ZMYM2: variants seen among roughly 807,000 people sequenced by gnomAD.
ZMYM2 encodes the protein zinc finger MYM-type protein 2.
In ZMYM2, 56 loss-of-function variants were observed where a neutral mutation model predicts 162.8. That is an observed-to-expected ratio of 0.34 (90% CI 0.28 to 0.43). ZMYM2 has a LOEUF of 0.43. ZMYM2 is among the 20% of genes least tolerant of loss of function. The pLI is 1.00. For missense variants in ZMYM2, 1,275 were observed against 1,621.8 expected, an observed-to-expected ratio of 0.79 and a Z score of 3.67; for synonymous variants, 510 against 541.6, an observed-to-expected ratio of 0.94 and a Z score of 0.81.
At chr13:20,012,083 A>C (rs897890207) in intron 6 of ZMYM2, among the ~76,000 whole-genome samples, 3 of 151,844 alleles carry the variant, frequency 2.0e-5, no homozygotes, top group Non-Finnish European at 4.4e-5. Context: ...ATGGGGTTCC[A>C]CCATGTTGGC....
chr13:19,966,326 G>T (rs936930765), intron 2 of ZMYM2, among the ~76,000 whole-genome samples: 4 of 150,792 alleles, frequency 2.7e-5, no homozygotes, highest in Admixed American at 6.6e-5. Flanking sequence ...TAGAGATGGG[G>T]TTTCTACATG....
At chr13:19,881,848 G>C in the ZMYM2 span, among the ~76,000 whole-genome samples, 1 of 151,852 alleles carries the variant, frequency 6.6e-6, no homozygotes, top group African/African-American at 2.4e-5. Flanking sequence ...GCTGGGTGTG[G>C]TTGCACGCCT....
At chr13:19,880,413 G>T in the ZMYM2 span, among the ~76,000 whole-genome samples, 1 of 151,684 alleles carries the variant, frequency 6.6e-6, no homozygotes, top group African/African-American at 2.4e-5. Flanking sequence ...TATTCTTTTT[G>T]ATTTTCTTGT....
chr13:20,050,174 A>T (rs1271439181), intron 12 of ZMYM2, among the ~76,000 whole-genome samples: 1 of 151,958 alleles, frequency 6.6e-6, no homozygotes, highest in African/African-American at 2.4e-5. Flanking sequence ...GTCATAATTT[A>T]TACTATAAAT....
chr13:19,960,429 A>G (rs1158942109), intron 2 of ZMYM2, among the ~76,000 whole-genome samples: 1 of 152,220 alleles, frequency 6.6e-6, no homozygotes, highest in Admixed American at 6.5e-5. Flanking sequence ...TGGCTAATTG[A>G]TTGAAGGAAT....
At chr13:20,078,069 G>A (rs546981279) in intron 21 of ZMYM2, among the ~76,000 whole-genome samples, 144 of 151,928 alleles carry the variant, frequency 9.5e-4, no homozygotes, top group African/African-American at 3.4e-3. Context: ...CACCCGCCTC[G>A]GCCTCCCACA....
intron 21 of ZMYM2, among the ~76,000 whole-genome samples, chr13:20,074,962 A>G (rs536910564): frequency 4.6e-5 from 7 of 152,342 alleles, no homozygotes; most frequent in Admixed American, 4.6e-4. Flanking sequence ...CAGTTTACCA[A>G]AATTTTTAAA....
the ZMYM2 span, among the ~76,000 whole-genome samples, chr13:19,868,763 ATTTT>A: frequency 6.6e-6 from 1 of 151,962 alleles, no homozygotes; most frequent in South Asian, 2.1e-4. Flanking sequence ...TATTATTATT[ATTTT>A]TGAGACAGAA....
intron 21 of ZMYM2, among the ~76,000 whole-genome samples, chr13:20,080,492 T>C (rs78328223): frequency 6.8e-6 from 1 of 146,102 alleles, no homozygotes; most frequent in Admixed American, 6.9e-5. Flanking sequence ...TATCTGTCTC[T>C]TTTTTTTTTT....
At chr13:19,930,496 G>A in the ZMYM2 span, among the ~76,000 whole-genome samples, 1 of 151,698 alleles carries the variant, frequency 6.6e-6, no homozygotes, top group African/African-American at 2.4e-5. Context: ...GCCCTGTTCT[G>A]TTTCTAATAT....
At chr13:20,084,836 A>G (rs1231851746) in intron 24 of ZMYM2, among the ~76,000 whole-genome samples, 1 of 152,204 alleles carries the variant, frequency 6.6e-6, no homozygotes, top group Non-Finnish European at 1.5e-5. Context: ...TTTATAAATC[A>G]CAGGTCCCCA....
At chr13:19,904,034 A>G in the ZMYM2 span, among the ~76,000 whole-genome samples, 2 of 152,108 alleles carry the variant, frequency 1.3e-5, no homozygotes, top group Non-Finnish European at 2.9e-5. Context: ...AGGACCCAAG[A>G]GAAGAACATA....
At chr13:19,885,907 A>ACACACATATG in the ZMYM2 span, among the ~76,000 whole-genome samples, 48 of 30,270 alleles carry the variant, frequency 1.6e-3, 11 homozygotes, top group Non-Finnish European at 3.6e-3. Flanking sequence ...ACACATATAT[A>ACACACATATG]TGTATATACA....
At chr13:20,066,070 G>T (rs1956650052) in intron 19 of ZMYM2, among the ~76,000 whole-genome samples, 1 of 152,168 alleles carries the variant, frequency 6.6e-6, no homozygotes, top group Non-Finnish European at 1.5e-5. Flanking sequence ...AGTGATTTAT[G>T]TAGAAACATC....
At chr13:19,958,504 T>G (rs1392058612), upstream of ZMYM2, among the ~76,000 whole-genome samples, 7 of 145,876 alleles carry the variant, frequency 4.8e-5, no homozygotes, top group Admixed American at 6.7e-5. Flanking sequence ...CGGCCAGGAG[T>G]CGAGGGCCGG....
At chr13:19,967,598 A>G (rs1395012335) in intron 2 of ZMYM2, among the ~76,000 whole-genome samples, 1 of 152,214 alleles carries the variant, frequency 6.6e-6, no homozygotes, top group Non-Finnish European at 1.5e-5. Context: ...CTACACGTAC[A>G]TTATGCTTTA....
Position 20,057,389 on chromosome 13 carries a change from C to T in ZMYM2, c.2494-1186C>T, listed in dbSNP as rs190763075. On this transcript the variant is annotated intron_variant, in intron 14 of 24. Transcript: ENST00000610343. ...CTGACCTTAGGTGATCCGCCTGTCCCGGCCTCCCAGAGTTCTGGGATTACA... is the reference window on the plus strand; with the variant it reads ...CTGACCTTAGGTGATCCGCCTGTCCTGGCCTCCCAGAGTTCTGGGATTACA... Among the ~76,000 whole-genome samples, 17 of 152,186 alleles carry T rather than the reference C, an allele frequency of 1.1e-4. No homozygotes were observed. The East Asian group carries it at 1.9e-3, about 17-fold the overall frequency.
chr13:20,072,939 C>G (rs2042753570), intron 21 of ZMYM2, among the ~76,000 whole-genome samples: 1 of 150,968 alleles, frequency 6.6e-6, no homozygotes, highest in African/African-American at 2.4e-5. Flanking sequence ...GACAAAGTCT[C>G]ACTTTGTCGC....
At position 20,088,969 on chromosome 13, in the gene ZMYM2, G is replaced by T; in HGVS notation, c.*2955G>T. On this transcript the variant is annotated 3_prime_UTR_variant, in exon 25 of 25. Transcript: ENST00000610343. ...CTACAAACATTTGCATTTTTATTAT[G>T]CCAGTTATTTCCAAAATGTATTGTT... 5.0e-6 allele frequency: 1 copy of T among 199,386 alleles called. No individual in the cohort carries two copies. The highest frequency in any genetic ancestry group is 1.0e-5 in the Non-Finnish European group (1 of 96,526). The allele number at this position is 199,386 out of a possible 1,614,324, so 12.4% of individuals were successfully genotyped here.
Sources: allele counts gnomAD v4.1 joint callset (sites outside exome capture counted in the v4.1 genomes callset), GRCh38; gene constraint gnomAD v4.1.1; transcripts MANE v1.5; gene names NCBI Gene and HGNC (gene_info 2026-07-23, HGNC 2026-07-21).